Variants in INPP4B observed in about 807,000 individuals in gnomAD.
INPP4B encodes inositol polyphosphate-4-phosphatase type II B.
In INPP4B, 55 loss-of-function variants were observed where a neutral mutation model predicts 122.5. The observed-to-expected ratio is 0.45, with a 90% CI of 0.36 to 0.56. INPP4B has a LOEUF of 0.56. Among genes scored for constraint, INPP4B ranks in the 20% least tolerant of loss-of-function variants. The probability of loss-of-function intolerance (pLI) is 0.00; values close to 1 mark genes in which losing one functional copy is unlikely to be tolerated. For missense variants in INPP4B, 1,000 were observed against 1,097.7 expected (o/e 0.91, Z 1.26); for synonymous variants, 403 against 388.7 (o/e 1.04, Z -0.43).
chr4:142,502,598 C>T (rs527431014), intron 2 of INPP4B, among the ~76,000 whole-genome samples: 9 of 152,166 alleles, frequency 5.9e-5, no homozygotes, highest in Non-Finnish European at 8.8e-5. Context: ...AAGAGATTCT[C>T]CTGCCTCAAC....
chr4:142,226,029 A>G (rs1035757134), intron 12 of INPP4B, among the ~76,000 whole-genome samples: 2 of 152,214 alleles, frequency 1.3e-5, no homozygotes, highest in African/African-American at 4.8e-5. Context: ...ACATATTTCA[A>G]TGTAGGCTGA....
chr4:142,688,825 T>C (rs1402606671), intron 2 of INPP4B, among the ~76,000 whole-genome samples: 1 of 152,206 alleles, frequency 6.6e-6, no homozygotes, highest in Non-Finnish European at 1.5e-5. Flanking sequence ...CTCGTGGGGA[T>C]ACCATCACTG....
intron 13 of INPP4B, 90 bp downstream of exon 13, chr4:142,208,806 T>A: frequency 2.0e-6 from 2 of 1,009,526 alleles, no homozygotes; most frequent in Non-Finnish European, 2.7e-6. Flanking sequence ...AGTTCTCCTA[T>A]CTACATAAAA....
At chr4:142,588,782 A>G (rs1402921043) in intron 2 of INPP4B, among the ~76,000 whole-genome samples, 1 of 151,838 alleles carries the variant, frequency 6.6e-6, no homozygotes, top group Non-Finnish European at 1.5e-5. Context: ...AGGTCTATAG[A>G]TTAAACAAAA....
intron 25 of INPP4B, among the ~76,000 whole-genome samples, chr4:142,032,742 C>T (rs1560879467): frequency 6.6e-6 from 1 of 152,146 alleles, no homozygotes; most frequent in Non-Finnish European, 1.5e-5. Flanking sequence ...ATTTCCTTAT[C>T]TGTAAAGTGG....
chr4:142,170,963 G>T (rs931837920), intron 16 of INPP4B, among the ~76,000 whole-genome samples: 17 of 151,742 alleles, frequency 1.1e-4, no homozygotes, highest in Non-Finnish European at 2.4e-4. Flanking sequence ...CAGTAGAGAT[G>T]ATGTAAATTG....
chr4:142,277,682 T>TACACACACAC (rs3076592), intron 9 of INPP4B, among the ~76,000 whole-genome samples: 3,144 of 147,144 alleles, frequency 0.021, 90 homozygotes, highest in African/African-American at 0.07. Context: ...CACACACACA[T>TACACACACAC]ACACACACAC....
At chr4:142,188,518 A>AAAAAATATATATATAT (rs1834267141) in intron 15 of INPP4B, among the ~76,000 whole-genome samples, 1 of 105,096 alleles carries the variant, frequency 9.5e-6, no homozygotes, top group African/African-American at 3.3e-5. Context: ...AAAGAAAAAA[A>AAAAAATATATATATAT]ATATATATAG....
chr4:142,567,852 A>T (rs1376104416), intron 2 of INPP4B, among the ~76,000 whole-genome samples: 1 of 152,162 alleles, frequency 6.6e-6, no homozygotes, highest in Non-Finnish European at 1.5e-5. Context: ...TAAGAAAAAA[A>T]GAAAACCATT....
chr4:142,424,709 A>G (rs886576074), intron 5 of INPP4B, among the ~76,000 whole-genome samples: 2 of 152,056 alleles, frequency 1.3e-5, no homozygotes, highest in African/African-American at 4.8e-5. Context: ...ATATTCATCA[A>G]CTCTGAGTTG....
chr4:142,437,880 AT>A (rs1229126708), intron 3 of INPP4B, among the ~76,000 whole-genome samples: 3 of 152,224 alleles, frequency 2.0e-5, no homozygotes, highest in Admixed American at 1.3e-4. Flanking sequence ...TGAGGCAGTA[AT>A]AAATAGCCTA....
Position 142,109,863 on chromosome 4 carries a change from T to A in INPP4B, c.2277-1673A>T, listed in dbSNP as rs1789125184. ...CACGCTTCTTGTTACCCTGTATTCCTCTTATGTCCCATAGCTTGGCAGAGC... is the reference window on the plus strand; with the variant it reads ...CACGCTTCTTGTTACCCTGTATTCCACTTATGTCCCATAGCTTGGCAGAGC... On this transcript the variant is annotated intron_variant, in intron 22 of 25. Coordinates refer to ENST00000262992, the MANE Select transcript of INPP4B (RefSeq NM_001101669.3). Among the ~76,000 whole-genome samples, 6 of 152,252 alleles carry A rather than the reference T, an allele frequency of 3.9e-5. No individual in the cohort carries two copies. In the South Asian group the frequency reaches 1.2e-3, roughly 32 times the overall value.
chr4:142,718,128 T>C (rs1395387625), intron 2 of INPP4B, among the ~76,000 whole-genome samples: 2 of 151,548 alleles, frequency 1.3e-5, no homozygotes, highest in Non-Finnish European at 2.9e-5. Context: ...GGAAATGAGG[T>C]TGAGAAAATT....
chr4:142,248,989 A>T (rs1419375336), intron 11 of INPP4B, among the ~76,000 whole-genome samples: 1 of 151,936 alleles, frequency 6.6e-6, no homozygotes, highest in East Asian at 1.9e-4. Flanking sequence ...TAAGTAGCTT[A>T]CAATCTAGTA....
chr4:142,200,951 T>C (rs1236611576), intron 14 of INPP4B, among the ~76,000 whole-genome samples: 4 of 152,048 alleles, frequency 2.6e-5, no homozygotes, highest in Admixed American at 2.6e-4. Flanking sequence ...GGTTTATGTC[T>C]AGATACTTAT....
At chr4:142,423,992 T>G (rs947649791) in intron 5 of INPP4B, among the ~76,000 whole-genome samples, 1 of 152,020 alleles carries the variant, frequency 6.6e-6, no homozygotes, top group African/African-American at 2.4e-5. Context: ...TAATGATTTA[T>G]TGTGTGTCTT....
chr4:142,180,907 G>T (rs1830493041), intron 15 of INPP4B, among the ~76,000 whole-genome samples: 1 of 152,042 alleles, frequency 6.6e-6, no homozygotes, highest in Non-Finnish European at 1.5e-5. Flanking sequence ...ACAAATTAAA[G>T]AATTTCAGAA....
chr4:142,245,679 T>C (rs1001016439), intron 11 of INPP4B, among the ~76,000 whole-genome samples: 3 of 151,930 alleles, frequency 2.0e-5, no homozygotes, highest in Non-Finnish European at 4.4e-5. Flanking sequence ...TCCTCTTTGC[T>C]TGTTTGTGTC....
At chr4:142,083,268 C>T (rs949721484) in intron 24 of INPP4B, among the ~76,000 whole-genome samples, 3 of 152,148 alleles carry the variant, frequency 2.0e-5, no homozygotes, top group African/African-American at 4.8e-5. Flanking sequence ...AAACAGAACT[C>T]TACTTAAGTT....
Sources: gnomAD v4.1 joint callset for allele counts (sites outside exome capture counted in the v4.1 genomes callset) on GRCh38, gnomAD v4.1.1 for gene constraint, MANE v1.5 for transcripts, NCBI Gene and HGNC (gene_info 2026-07-23, HGNC 2026-07-21) for gene names.